Variants in GLYATL1 observed in about 807,000 individuals in gnomAD.
GLYATL1 encodes glycine N-acyltransferase-like protein 1.
A neutral mutation model predicts 20.0 loss-of-function variants in GLYATL1; 15 were observed. The ratio of observed to expected loss-of-function variants is 0.75; its 90% CI spans 0.50 to 1.15. The LOEUF (loss-of-function observed/expected upper bound fraction) is 1.15, where lower values mean the gene tolerates loss of function less well. Ranked by LOEUF, GLYATL1 falls within the 50% of genes most tolerant of loss-of-function variation. The pLI, the probability that GLYATL1 is intolerant of heterozygous loss-of-function variation, is 0.00. For synonymous variants in GLYATL1, 151 were observed against 131.5 expected (o/e 1.15, Z -1.01); for missense variants, 380 against 368.5 (o/e 1.03, Z -0.26).
At chr11:58,920,207 T>C (rs934013140) in intron 1 of GLYATL1, among the ~76,000 whole-genome samples, 3 of 152,144 alleles carry the variant, frequency 2.0e-5, no homozygotes, top group Non-Finnish European at 4.4e-5. Context: ...TCCGGGCCCA[T>C]ACAGTGTCTA....
chr11:58,933,124 A>T (rs12222597), intron 1 of GLYATL1, among the ~76,000 whole-genome samples: 14 of 151,986 alleles, frequency 9.2e-5, no homozygotes, highest in African/African-American at 3.4e-4. Context: ...ACACAGGAAG[A>T]GGGGCACAAT....
chr11:58,948,417 T>C (rs1363510274), intron 4 of GLYATL1, among the ~76,000 whole-genome samples: 1 of 152,104 alleles, frequency 6.6e-6, no homozygotes, highest in Non-Finnish European at 1.5e-5. Flanking sequence ...GGCAGGAGGA[T>C]CACTTGAGTC....
At chr11:58,946,730 A>G in intron 2 of GLYATL1, 1 of 359,508 alleles carries the variant, frequency 2.8e-6, no homozygotes, top group Non-Finnish European at 5.1e-6. Context: ...AAAACTTATG[A>G]TGGTAGTGGT....
chr11:58,937,501 C>T (rs1241501734), upstream of GLYATL1, among the ~76,000 whole-genome samples: 1 of 152,106 alleles, frequency 6.6e-6, no homozygotes, highest in Non-Finnish European at 1.5e-5. Context: ...GAACAGAAAT[C>T]AGAAAAGTAC....
upstream of GLYATL1, among the ~76,000 whole-genome samples, chr11:58,938,578 C>T (rs1351482589): frequency 4.6e-5 from 7 of 152,172 alleles, no homozygotes. Context: ...GATATCAGAA[C>T]TAAGCTAGGC....
downstream of GLYATL1, among the ~76,000 whole-genome samples, chr11:58,912,295 A>G (rs1478275948): frequency 6.6e-6 from 1 of 152,234 alleles, no homozygotes; most frequent in Non-Finnish European, 1.5e-5. Context: ...AGTACAAGGC[A>G]TGAGTGACAA....
chr11:58,906,332 G>C (rs1395091939), intron 1 of GLYATL1, among the ~76,000 whole-genome samples: 1 of 152,206 alleles, frequency 6.6e-6, no homozygotes, highest in African/African-American at 2.4e-5. Context: ...AATCTCAAGA[G>C]TGTCGTTTGA....
At chr11:58,954,344 G>A (rs566452701) in intron 4 of GLYATL1, among the ~76,000 whole-genome samples, 1 of 152,172 alleles carries the variant, frequency 6.6e-6, no homozygotes, top group African/African-American at 2.4e-5. Context: ...AGGAGTATCC[G>A]TTTGGCACAG....
chr11:58,908,863 G>A (rs189220182), downstream of GLYATL1, among the ~76,000 whole-genome samples: 8 of 152,260 alleles, frequency 5.3e-5, no homozygotes. Context: ...GCCTAGAATT[G>A]TGTTCCATCA....
chr11:58,914,722 T>G (rs1234899808), intron 1 of GLYATL1, among the ~76,000 whole-genome samples: 1 of 152,196 alleles, frequency 6.6e-6, no homozygotes, highest in African/African-American at 2.4e-5. Context: ...CTTATCTTAG[T>G]TTCTTTATGG....
chr11:58,905,625 A>G, exon 1 of GLYATL1: 1 of 456,266 alleles, frequency 2.2e-6, no homozygotes, highest in Non-Finnish European at 4.4e-6. Context: ...GCCGATGAGC[A>G]GGAAGAAGCA....
chr11:58,909,912 C>T (rs1854998267), downstream of GLYATL1, among the ~76,000 whole-genome samples: 1 of 152,048 alleles, frequency 6.6e-6, no homozygotes, highest in African/African-American at 2.4e-5. Flanking sequence ...TTTGTGTGTT[C>T]GGTCTCTATG....
At chr11:58,946,898 C>T in intron 2 of GLYATL1, 148 bp from the exon 3 acceptor site, 1 of 682,588 alleles carries the variant, frequency 1.5e-6, no homozygotes, top group East Asian at 2.7e-5. Context: ...GAGAAATTTA[C>T]TTAGTCCCTC....
At chr11:58,911,935 AAGTTTTAT>A (rs1855055137), downstream of GLYATL1, among the ~76,000 whole-genome samples, 1 of 152,168 alleles carries the variant, frequency 6.6e-6, no homozygotes, top group Non-Finnish European at 1.5e-5. Flanking sequence ...TTTCTTCCAG[AAGTTTTAT>A]AGTTTTATAT....
Position 58,916,803 on chromosome 11 carries a change from A to G in GLYATL1, n.264+11142A>G, listed in dbSNP as rs77339884. On this transcript the variant is annotated intron_variant and non_coding_transcript_variant, in intron 1 of 2. Coordinates refer to the GLYATL1 transcript ENST00000534674. ...AACAAAGCAACAAAAGAATGAAGCA[A>G]TGTAAGCATAGATTTATTGATGTGA... Among the ~76,000 whole-genome samples, 818 of 152,358 alleles carry G rather than the reference A, an allele frequency of 5.4e-3. 9 individuals carry two copies. Among genetic ancestry groups the G allele is most frequent in the African/African-American group, 0.019 (787 of 41,580 alleles).
At chr11:58,911,666 T>A (rs1191150940), downstream of GLYATL1, among the ~76,000 whole-genome samples, 1 of 152,234 alleles carries the variant, frequency 6.6e-6, no homozygotes, top group East Asian at 1.9e-4. Context: ...GTTAGTTATA[T>A]CTGAGTTTTG....
chr11:58,935,650 A>G (rs1855799767), upstream of GLYATL1: 1 of 152,196 alleles, frequency 6.6e-6, no homozygotes, highest in African/African-American at 2.4e-5. Context: ...TCAGATTTCT[A>G]TATAACGATT....
intron 1 of GLYATL1, among the ~76,000 whole-genome samples, chr11:58,943,075 T>C (rs1856285115): frequency 6.6e-6 from 1 of 152,198 alleles, no homozygotes; most frequent in African/African-American, 2.4e-5. Flanking sequence ...AGATAGCATG[T>C]ATAGACAATC....
At chr11:58,947,343 G>A in intron 3 of GLYATL1, 178 bp downstream of exon 3, 1 of 835,678 alleles carries the variant, frequency 1.2e-6, no homozygotes, top group Non-Finnish European at 1.8e-6. Context: ...GGAAGAGGCA[G>A]CTAGGTCCAC....
Sources: allele counts gnomAD v4.1 joint callset (sites outside exome capture counted in the v4.1 genomes callset), GRCh38; gene constraint gnomAD v4.1.1; transcripts MANE v1.5; gene names NCBI Gene and HGNC (gene_info 2026-07-23, HGNC 2026-07-21).